The following MAOB variants were observed in gnomAD, a reference collection of about 807,000 sequenced individuals.
MAOB encodes amine oxidase [flavin-containing] B.
A neutral mutation model predicts 41.9 loss-of-function variants in MAOB; 15 were observed. That is an observed-to-expected ratio of 0.36 (90% CI 0.24 to 0.55). The LOEUF (loss-of-function observed/expected upper bound fraction) is 0.55. MAOB is among the 20% of genes least tolerant of loss of function. MAOB has a pLI of 0.86. For missense variants in MAOB, 345 were observed against 398.7 expected (o/e 0.87, Z 1.15); for synonymous variants, 167 against 144.2 (o/e 1.16, Z -1.13).
intron 1 of MAOB, among the ~76,000 whole-genome samples, chrX:43,866,133 C>T (rs1240701009): frequency 9.1e-6 from 1 of 110,209 alleles, no homozygotes; most frequent in Non-Finnish European, 1.9e-5. Flanking sequence ...TAATGGAGGG[C>T]CATGGAAAGA....
At chrX:43,855,738 T>C (rs2035283282) in intron 1 of MAOB, among the ~76,000 whole-genome samples, 1 of 111,621 alleles carries the variant, frequency 9.0e-6, no homozygotes, top group African/African-American at 3.3e-5. Flanking sequence ...ACAAATGCAA[T>C]GAGAAAAGGC....
intron 2 of MAOB, among the ~76,000 whole-genome samples, chrX:43,839,910 A>T (rs2035113964): frequency 8.9e-6 from 1 of 112,402 alleles, no homozygotes; most frequent in African/African-American, 3.2e-5. Context: ...TAAGATGTAC[A>T]CAGGCAAAAC....
intron 3 of MAOB, among the ~76,000 whole-genome samples, chrX:43,815,213 T>G (rs996844193): frequency 2.7e-5 from 3 of 112,060 alleles, no homozygotes. Flanking sequence ...TAAAATTGGT[T>G]TTGCTGTGCC....
rs753870113 is a variant in MAOB, at chrX:43,778,752, A to G, written c.1080-13T>C. 1 of 1,167,161 alleles carries G rather than the reference A, an allele frequency of 8.6e-7. No homozygotes were observed. The highest frequency in any genetic ancestry group is 1.8e-5 in the South Asian group (1 of 54,121). ...AAGTTTCTTCAACCTGTGAATGAAA[A>G]GAGACAAAAGAGAAAATAAAGGAAA... On this transcript the variant is annotated splice_polypyrimidine_tract_variant and intron_variant, in intron 10 of 14. Transcript: ENST00000378069.
intron 12 of MAOB, among the ~76,000 whole-genome samples, chrX:43,774,636 C>G (rs1193146964): frequency 9.0e-6 from 1 of 111,637 alleles, no homozygotes; most frequent in Non-Finnish European, 1.9e-5. Flanking sequence ...CAAGTCTCTT[C>G]ATGCCCAGTC....
chrX:43,797,286 A>G lies in MAOB; in HGVS notation c.477-20T>C, dbSNP rs2034540707. 2 of 1,136,840 alleles carry G rather than the reference A, an allele frequency of 1.8e-6. No homozygotes were observed. The highest frequency in any genetic ancestry group is 4.6e-5 in the South Asian group (2 of 43,327). 93.7% of individuals were successfully genotyped at this position (1,136,840 alleles called of 1,213,427 possible). On this transcript the variant is annotated intron_variant, in intron 5 of 14. Coordinates refer to ENST00000378069, the MANE Select transcript of MAOB (RefSeq NM_000898.5). Reference sequence around the variant, plus strand: ...GCAGATCTGCACAGGAAGAAACAAGAGCAAACTTGGCAAACGCAGGAGAGC... The same window carrying G: ...GCAGATCTGCACAGGAAGAAACAAGGGCAAACTTGGCAAACGCAGGAGAGC...
At chrX:43,862,638 T>C (rs1306432291) in intron 1 of MAOB, among the ~76,000 whole-genome samples, 2 of 112,067 alleles carry the variant, frequency 1.8e-5, no homozygotes, top group African/African-American at 3.2e-5. Flanking sequence ...CTATTGGCCA[T>C]ACACCTGGGT....
chrX:43,792,199 G>A (rs941591986), intron 8 of MAOB, among the ~76,000 whole-genome samples: 3 of 112,302 alleles, frequency 2.7e-5, no homozygotes, highest in Admixed American at 9.5e-5. Context: ...CCATGAGTTT[G>A]TGCCAATATA....
intron 1 of MAOB, among the ~76,000 whole-genome samples, chrX:43,846,122 A>G (rs1341423592): frequency 2.7e-5 from 3 of 112,402 alleles, no homozygotes; most frequent in Non-Finnish European, 5.6e-5. Context: ...ATTCAATGAC[A>G]TTTTTCTTAC....
chrX:43,871,181 G>A (rs2035404760), intron 1 of MAOB, among the ~76,000 whole-genome samples: 1 of 111,393 alleles, frequency 9.0e-6, no homozygotes, highest in African/African-American at 3.3e-5. Flanking sequence ...GAAGGCCTGG[G>A]TTAGTCAGCT....
chrX:43,796,406 G>A (rs5905449), intron 6 of MAOB, among the ~76,000 whole-genome samples: 16,626 of 110,725 alleles, frequency 0.15, 1,314 homozygotes, highest in Middle Eastern at 0.29. Context: ...TGTAGCCACC[G>A]AACTCATTTC....
chrX:43,791,754 C>T (rs961023371), intron 8 of MAOB, among the ~76,000 whole-genome samples: 1 of 106,062 alleles, frequency 9.4e-6, no homozygotes, highest in African/African-American at 3.6e-5. Flanking sequence ...GAGACTCCGT[C>T]TCAAAAAAAA....
At chrX:43,850,208 C>T in intron 1 of MAOB, 1 of 267,757 alleles carries the variant, frequency 3.7e-6, no homozygotes, top group Non-Finnish European at 5.1e-6. Flanking sequence ...TTGCCTCAGC[C>T]TTATTACCTC....
At chrX:43,768,939 C>T (rs1372659106) in intron 13 of MAOB, among the ~76,000 whole-genome samples, 1 of 111,614 alleles carries the variant, frequency 9.0e-6, no homozygotes, top group Non-Finnish European at 1.9e-5. Context: ...TAGTTATGAA[C>T]ACACCTCAAA....
At chrX:43,859,589 C>T (rs1272683093) in intron 1 of MAOB, among the ~76,000 whole-genome samples, 9 of 111,530 alleles carry the variant, frequency 8.1e-5, no homozygotes, top group African/African-American at 2.9e-4. Flanking sequence ...ACACCTTCAC[C>T]TTTGCCTGTA....
In MAOB at chrX:43,803,385, C is replaced by A; in HGVS notation, c.299G>T (p.Arg100Met). Residue 100 changes from arginine to methionine, a missense_variant, in exon 4 of 15, where the codon AGG becomes ATG. By Grantham distance (91) the Arg-to-Met change is moderately conservative (BLOSUM62 -1). Coordinates refer to ENST00000378069, the MANE Select transcript of MAOB (RefSeq NM_000898.5). ...ATTCCATACAGGTGGGAATGGCCCC[C>A]TGAAGGGGTATGATTTGCCCTGTGA... Reference protein sequence around the residue: ...HHVKGKSYPFRGPFPPVWNPI... With the variant: ...HHVKGKSYPFMGPFPPVWNPI... 8.5e-7 allele frequency: 1 copy of A among 1,174,613 alleles called. No individual in the cohort carries two copies. The highest frequency in any genetic ancestry group is 1.1e-6 in the Non-Finnish European group (1 of 883,048).
intron 3 of MAOB, among the ~76,000 whole-genome samples, chrX:43,836,383 G>A (rs939261614): frequency 4.5e-5 from 5 of 112,340 alleles, no homozygotes; most frequent in Non-Finnish European, 9.4e-5. Context: ...TAAGGTCTTC[G>A]TCATTATGTA....
intron 8 of MAOB, among the ~76,000 whole-genome samples, chrX:43,785,785 T>C (rs1189253820): frequency 1.8e-5 from 2 of 111,391 alleles, no homozygotes; most frequent in African/African-American, 6.5e-5. Context: ...GGGGGAACAG[T>C]TGGTTGACTG....
chrX:43,815,950 C>T (rs914239354), intron 3 of MAOB, among the ~76,000 whole-genome samples: 8 of 111,749 alleles, frequency 7.2e-5, no homozygotes, highest in African/African-American at 2.3e-4. Context: ...GTTCCTTAAT[C>T]GTGCACCATA....
Sources: gnomAD v4.1 joint callset for allele counts (sites outside exome capture counted in the v4.1 genomes callset) on GRCh38, gnomAD v4.1.1 for gene constraint, MANE v1.5 for transcripts, NCBI Gene and HGNC (gene_info 2026-07-23, HGNC 2026-07-21) for gene names.